Variants in TRPC4AP observed in about 807,000 individuals in gnomAD.
The protein encoded by TRPC4AP is short transient receptor potential channel 4-associated protein.
In TRPC4AP, 45 loss-of-function variants were observed where a neutral mutation model predicts 99.0. That is an observed-to-expected ratio of 0.45 (90% CI 0.36 to 0.58). TRPC4AP has a LOEUF of 0.58. Among genes scored for constraint, TRPC4AP ranks in the 20% least tolerant of loss-of-function variants. The probability of loss-of-function intolerance (pLI) is 0.00; values close to 1 mark genes in which losing one functional copy is unlikely to be tolerated. For synonymous variants in TRPC4AP, 408 were observed against 385.8 expected (o/e 1.06, Z -0.67); for missense variants, 879 against 985.3 (o/e 0.89, Z 1.44).
chr20:35,027,503 T>C (rs1297314679), intron 8 of TRPC4AP, among the ~76,000 whole-genome samples: 1 of 152,206 alleles, frequency 6.6e-6, no homozygotes, highest in Non-Finnish European at 1.5e-5. Context: ...TGTCTTTATC[T>C]GGTTTTGGTA....
chr20:35,005,207 C>T (rs940848849), intron 16 of TRPC4AP, among the ~76,000 whole-genome samples: 8 of 152,226 alleles, frequency 5.3e-5, no homozygotes, highest in African/African-American at 1.9e-4. Flanking sequence ...ATGACAGTGA[C>T]CGTGACAAGG....
Position 35,034,223 on chromosome 20 carries a change from C to A in TRPC4AP, c.1051+900G>T, listed in dbSNP as rs568929951. Among the ~76,000 whole-genome samples the A allele has an allele frequency of 1.8e-4, 27 of 150,344 alleles. No individual in the cohort carries two copies. In the South Asian group the frequency reaches 4.1e-3, roughly 23 times the overall value. The stretch of plus-strand genomic sequence containing the variant: ...GTACCTCTTTTTATTTGCTTACCAT[C>A]AAAATCTCCTCAGGCATGAACTTCC... On this transcript the variant is annotated intron_variant, in intron 8 of 18. Transcript: ENST00000252015.
chr20:35,061,900 G>GA (rs1489456605), intron 3 of TRPC4AP, among the ~76,000 whole-genome samples: 1 of 152,104 alleles, frequency 6.6e-6, no homozygotes, highest in Non-Finnish European at 1.5e-5. Flanking sequence ...TCAAGAGAGT[G>GA]AAAAGACAGC....
At chr20:35,015,541 C>A (rs535251322) in intron 10 of TRPC4AP, among the ~76,000 whole-genome samples, 8 of 149,018 alleles carry the variant, frequency 5.4e-5, no homozygotes, top group Non-Finnish European at 1.5e-5. Flanking sequence ...CAGCTCACTG[C>A]AACCTCTGCC....
intron 8 of TRPC4AP, among the ~76,000 whole-genome samples, chr20:35,030,959 G>A (rs1309977923): frequency 6.6e-6 from 1 of 152,200 alleles, no homozygotes; most frequent in Non-Finnish European, 1.5e-5. Context: ...TCGGTATGCT[G>A]CTTAATTTCC....
chr20:35,092,492 C>G, intron 1 of TRPC4AP, 122 bp downstream of exon 1: 1 of 1,236,130 alleles, frequency 8.1e-7, no homozygotes, highest in Non-Finnish European at 1.1e-6. Flanking sequence ...ACAGGGAGGC[C>G]TTCCGGCCAG....
At chr20:35,005,913 G>A (rs2082506461) in intron 15 of TRPC4AP, 110 bp from the exon 16 acceptor site, 1 of 872,604 alleles carries the variant, frequency 1.1e-6, no homozygotes, top group Non-Finnish European at 1.8e-6. Context: ...CAGCCCCACT[G>A]CTTCAGATAG....
At chr20:35,069,830 A>G (rs780242121) in intron 2 of TRPC4AP, among the ~76,000 whole-genome samples, 1 of 152,184 alleles carries the variant, frequency 6.6e-6, no homozygotes, top group Non-Finnish European at 1.5e-5. Context: ...AATCCCAGCT[A>G]CTCAGGAATT....
intron 3 of TRPC4AP, among the ~76,000 whole-genome samples, chr20:35,067,942 T>C (rs948554547): frequency 6.6e-6 from 1 of 152,182 alleles, no homozygotes; most frequent in African/African-American, 2.4e-5. Flanking sequence ...TGGTGATGGT[T>C]GCACATATCT....
At chr20:35,015,436 T>G (rs1415494414) in intron 10 of TRPC4AP, among the ~76,000 whole-genome samples, 1 of 150,218 alleles carries the variant, frequency 6.7e-6, no homozygotes, top group Non-Finnish European at 1.5e-5. Flanking sequence ...CAAGGGGAAG[T>G]TGGCTAGAGG....
In TRPC4AP at chr20:35,021,341, GGGA is replaced by G; in HGVS notation, c.1064_1066del (p.Phe355_Pro356delinsSer). ...ATTCTCCTCAGAAGCCCCTGGAGGA[GGGA>G]ACACAATGGAGGCTGACACAGCCAC... On this transcript the variant is annotated inframe_deletion, in exon 9 of 19. Transcript: ENST00000252015. The G allele has an allele frequency of 6.2e-7, 1 of 1,614,042 alleles. No individual in the cohort carries two copies. The highest frequency in any genetic ancestry group is 1.1e-5 in the South Asian group (1 of 91,076).
intron 2 of TRPC4AP, among the ~76,000 whole-genome samples, chr20:35,071,010 TGAG>T (rs2084297926): frequency 6.6e-6 from 1 of 151,516 alleles, no homozygotes; most frequent in Non-Finnish European, 1.5e-5. Context: ...CTCAATCTCC[TGAG>T]ATTTTGCAAG....
intron 6 of TRPC4AP, among the ~76,000 whole-genome samples, chr20:35,045,688 G>A (rs1053366542): frequency 1.3e-5 from 2 of 152,086 alleles, no homozygotes; most frequent in Admixed American, 6.5e-5. Flanking sequence ...ACAGGCGCCC[G>A]CCACCACGCC....
intron 8 of TRPC4AP, among the ~76,000 whole-genome samples, chr20:35,032,531 G>A (rs2083225986): frequency 1.4e-5 from 2 of 142,490 alleles, no homozygotes; most frequent in Admixed American, 7.3e-5. Context: ...AAATGCAGTG[G>A]CAGGATCTCG....
chr20:35,021,456 G>A (rs1446450185), intron 8 of TRPC4AP, 100 bp from the exon 9 acceptor site: 26 of 1,363,806 alleles, frequency 1.9e-5, no homozygotes, highest in Non-Finnish European at 2.2e-5. Context: ...ATGGCCATTC[G>A]GCTGGGCCAT....
chr20:35,054,807 G>A (rs181713102), intron 5 of TRPC4AP, among the ~76,000 whole-genome samples, 169 bp downstream of exon 5: 65 of 152,198 alleles, frequency 4.3e-4, no homozygotes, highest in Non-Finnish European at 5.9e-4. Context: ...CTGCCTCCCC[G>A]TAATTTCTAC....
intron 7 of TRPC4AP, among the ~76,000 whole-genome samples, chr20:35,041,909 C>T (rs1002928792): frequency 5.3e-5 from 8 of 152,194 alleles, no homozygotes; most frequent in African/African-American, 1.9e-4. Flanking sequence ...AGCAGTTACC[C>T]AGCGTTTGCC....
At chr20:35,066,741 C>G (rs1409901162) in intron 3 of TRPC4AP, among the ~76,000 whole-genome samples, 1 of 152,130 alleles carries the variant, frequency 6.6e-6, no homozygotes, top group Non-Finnish European at 1.5e-5. Flanking sequence ...ACTGATCAAT[C>G]TGACAATCTA....
intron 8 of TRPC4AP, among the ~76,000 whole-genome samples, chr20:35,022,697 A>G (rs2082922073): frequency 1.3e-5 from 2 of 152,180 alleles, no homozygotes. Flanking sequence ...AAACACAGTG[A>G]TACTCTTTAA....
Sources: gnomAD v4.1 joint callset for allele counts (sites outside exome capture counted in the v4.1 genomes callset) on GRCh38, gnomAD v4.1.1 for gene constraint, MANE v1.5 for transcripts, NCBI Gene and HGNC (gene_info 2026-07-23, HGNC 2026-07-21) for gene names.